NMT1: variants seen among roughly 807,000 people sequenced by gnomAD.
The protein encoded by NMT1 is N-myristoyltransferase 1, also known as glycylpeptide N-tetradecanoyltransferase 1.
A neutral mutation model predicts 63.4 loss-of-function variants in NMT1; 12 were observed. The observed-to-expected ratio is 0.19, with a 90% CI of 0.12 to 0.31. NMT1 has a LOEUF of 0.31. NMT1 is among the 10% of genes least tolerant of loss of function. The pLI, the probability that NMT1 is intolerant of heterozygous loss-of-function variation, is 1.00. For missense variants in NMT1, 432 were observed against 634.6 expected (o/e 0.68, Z 3.43); for synonymous variants, 228 against 234.3 (o/e 0.97, Z 0.25).
intron 2 of NMT1, among the ~76,000 whole-genome samples, chr17:45,084,541 G>C (rs1359169256): frequency 6.6e-6 from 1 of 151,892 alleles, no homozygotes; most frequent in Non-Finnish European, 1.5e-5. Flanking sequence ...CACTGTGTTA[G>C]CCAGGATGGT....
Position 45,103,049 on chromosome 17 carries a change from C to T in NMT1, c.1092C>T (p.Pro364=), listed in dbSNP as rs769815313. Residue 364 remains proline (P), a synonymous_variant, in exon 9 of 12, where the codon CCC becomes CCT. Transcript: ENST00000258960. This position sits in a 1 kb window ranked among gnomAD's most constrained non-coding sequence, Gnocchi z 4.8. ...TRYLKQFHLT[P]VMSQEEVEHW... ...ACTTGAAGCAATTTCACCTTACGCC[C>T]GTCATGAGCCAGGAGGAGGTGGAGC... 67 of 1,613,990 alleles carry T rather than the reference C, an allele frequency of 4.2e-5. 1 individual carries two copies. The highest frequency in any genetic ancestry group is 1.5e-4 in the South Asian group (14 of 91,078).
intron 1 of NMT1, among the ~76,000 whole-genome samples, chr17:45,076,488 G>A (rs921627436): frequency 1.3e-5 from 2 of 151,492 alleles, no homozygotes; most frequent in African/African-American, 4.9e-5. Context: ...GGTGGCTCAT[G>A]CCTGTAATCC....
At chr17:45,064,176 T>G (rs1006586710) in intron 1 of NMT1, among the ~76,000 whole-genome samples, 2 of 152,162 alleles carry the variant, frequency 1.3e-5, no homozygotes, top group Non-Finnish European at 2.9e-5. Flanking sequence ...GGAGCGAGAC[T>G]CCATCTCAAA....
chr17:45,091,534 T>G (rs900788707), intron 3 of NMT1, among the ~76,000 whole-genome samples: 2 of 152,050 alleles, frequency 1.3e-5, no homozygotes, highest in South Asian at 4.1e-4. Flanking sequence ...ATGGAAATAA[T>G]TCAGGGGGAA....
Position 45,102,835 on chromosome 17 carries a change from T to C in NMT1, c.994-116T>C, listed in dbSNP as rs1598020357. 4 of 903,550 alleles carry C rather than the reference T, an allele frequency of 4.4e-6. No individual in the cohort carries two copies. The South Asian group carries it at 7.6e-5, about 17-fold the overall frequency. 56.0% of individuals were successfully genotyped at this position (903,550 alleles called of 1,614,324 possible). A position where few individuals can be genotyped will look rare whatever the true frequency, so the allele number is the denominator to read the frequency against. On this transcript the variant is annotated intron_variant, in intron 8 of 11. Coordinates refer to ENST00000258960, the MANE Select transcript of NMT1 (RefSeq NM_021079.5). Reference sequence around the variant, plus strand: ...GTGCCTGAGGAGATATGCACGGGGGTGCAGGGAGCCGCCGAATGACCAGGG... The same window carrying C: ...GTGCCTGAGGAGATATGCACGGGGGCGCAGGGAGCCGCCGAATGACCAGGG...
chr17:45,091,283 C>T (rs576447255), intron 3 of NMT1, among the ~76,000 whole-genome samples: 2 of 151,684 alleles, frequency 1.3e-5, no homozygotes, highest in East Asian at 1.9e-4. Flanking sequence ...CTCACCATGC[C>T]GGGTGGCATG....
chr17:45,068,433 T>C (rs556882083), intron 1 of NMT1, among the ~76,000 whole-genome samples: 29 of 152,118 alleles, frequency 1.9e-4, no homozygotes, highest in African/African-American at 6.0e-4. Context: ...GATGGCGCCA[T>C]TGCACTTCAG....
At chr17:45,096,676 T>C (rs1304159991) in intron 5 of NMT1, among the ~76,000 whole-genome samples, 1 of 152,186 alleles carries the variant, frequency 6.6e-6, no homozygotes, top group Non-Finnish European at 1.5e-5. Flanking sequence ...CAGGCCACGT[T>C]TAATATCCAG....
rs2054210649 is a variant in NMT1, at chr17:45,107,560, T to C, written c.*1921T>C. On this transcript the variant is annotated 3_prime_UTR_variant, in exon 12 of 12. Transcript: ENST00000258960. ...GCTTTGCAGCCCCACAGACAACAGTTGCACAGTGCCTCAAGCCCCAGAGTG... is the reference window on the plus strand; with the variant it reads ...GCTTTGCAGCCCCACAGACAACAGTCGCACAGTGCCTCAAGCCCCAGAGTG... 6.6e-6 allele frequency: 1 copy of C among 152,642 alleles called. No homozygotes were observed. The highest frequency in any genetic ancestry group is 1.5e-5 in the Non-Finnish European group (1 of 68,064). 9.5% of individuals were successfully genotyped at this position (152,642 alleles called of 1,614,324 possible).
rs925958928 is a variant in NMT1 at position 45,104,722 on chromosome 17, G to T, written c.1333-137G>T. ...CCACCCGGAGAGCGGGGATTAACGT[G>T]GAAGCAGCGGAGCTTCTGAGGGAAC... On this transcript the variant is annotated intron_variant, in intron 10 of 11. Transcript: ENST00000258960. The surrounding 1 kb of genome is among the most constrained non-coding windows in gnomAD (Gnocchi z 4.2). The T allele has an allele frequency of 6.7e-7, 1 of 1,484,392 alleles. No individual in the cohort carries two copies. Among genetic ancestry groups the T allele is most frequent in the East Asian group, 2.4e-5 (1 of 42,314 alleles). 92.0% of individuals were successfully genotyped at this position (1,484,392 alleles called of 1,614,324 possible).
Position 45,072,701 on chromosome 17 carries a change from A to G in NMT1, c.132-8943A>G, listed in dbSNP as rs1598004555. ...CAGCCTCCCGAGTAGCTGGGACTACAGGCGCCCGCCACGATGCCTGCCTAA... is the reference window on the plus strand; with the variant it reads ...CAGCCTCCCGAGTAGCTGGGACTACGGGCGCCCGCCACGATGCCTGCCTAA... On this transcript the variant is annotated intron_variant, in intron 1 of 11. Transcript: ENST00000258960. Among the ~76,000 whole-genome samples the G allele has an allele frequency of 2.0e-5, 3 of 151,614 alleles. No individual in the cohort carries two copies. In the South Asian group the frequency reaches 6.3e-4, roughly 32 times the overall value.
chr17:45,074,237 C>CA (rs1172355441), intron 1 of NMT1, among the ~76,000 whole-genome samples: 1 of 133,892 alleles, frequency 7.5e-6, no homozygotes, highest in Non-Finnish European at 1.6e-5. Flanking sequence ...TTTTTTGAGA[C>CA]AGAGTCTCGC....
chr17:45,077,729 C>T (rs904114984), intron 1 of NMT1, among the ~76,000 whole-genome samples: 30 of 152,132 alleles, frequency 2.0e-4, no homozygotes, highest in African/African-American at 5.3e-4. Context: ...TTCACGTAAT[C>T]CTGAGACTGA....
chr17:45,070,650 C>T (rs1263098267), intron 1 of NMT1, among the ~76,000 whole-genome samples: 1 of 142,894 alleles, frequency 7.0e-6, no homozygotes, highest in Non-Finnish European at 1.5e-5. Flanking sequence ...ATCTCCTGAC[C>T]TCATGATCCG....
intron 2 of NMT1, 78 bp from the exon 3 acceptor site, chr17:45,086,430 T>A: frequency 6.9e-7 from 1 of 1,443,908 alleles, no homozygotes; most frequent in Non-Finnish European, 9.3e-7. Context: ...CAGCTCCCCT[T>A]AACTCTTGAA....
chr17:45,102,501 C>T lies in NMT1; in HGVS notation c.994-450C>T, dbSNP rs77332721. Among the ~76,000 whole-genome samples the T allele has an allele frequency of 3.1e-4, 47 of 152,248 alleles. No individual in the cohort carries two copies. The East Asian group carries it at 7.5e-3, about 24-fold the overall frequency. On this transcript the variant is annotated intron_variant, in intron 8 of 11. Coordinates refer to ENST00000258960, the MANE Select transcript of NMT1 (RefSeq NM_021079.5). The stretch of plus-strand genomic sequence containing the variant: ...CCCTGGCTGGGCCCTGGGGTCTGTC[C>T]GCGAAGTGCTCTAAGTCTAGCAGAG...
intron 1 of NMT1, among the ~76,000 whole-genome samples, chr17:45,068,149 T>C (rs1375964826): frequency 6.6e-6 from 1 of 152,180 alleles, no homozygotes. Context: ...AATATGGTGT[T>C]CTCTATTGAG....
At chr17:45,070,627 C>T (rs1414993146) in intron 1 of NMT1, among the ~76,000 whole-genome samples, 1 of 150,712 alleles carries the variant, frequency 6.6e-6, no homozygotes, top group Non-Finnish European at 1.5e-5. Flanking sequence ...CCGTATTAGC[C>T]AGGATGGTCT....
chr17:45,072,036 G>A (rs912967814), intron 1 of NMT1, among the ~76,000 whole-genome samples: 1 of 152,182 alleles, frequency 6.6e-6, no homozygotes, highest in Non-Finnish European at 1.5e-5. Context: ...TGGATAGCTT[G>A]AGTCCAGGAA....
Sources: gnomAD v4.1 joint callset for allele counts (sites outside exome capture counted in the v4.1 genomes callset) on GRCh38, gnomAD v4.1.1 for gene constraint, Gnocchi (gnomAD v3.1) non-coding constraint, MANE v1.5 for transcripts, NCBI Gene and HGNC (gene_info 2026-07-23, HGNC 2026-07-21) for gene names.